CAMK1D: variants seen among roughly 807,000 people sequenced by gnomAD.
CAMK1D encodes the protein calcium/calmodulin dependent protein kinase ID.
In CAMK1D, 9 loss-of-function variants were observed where a neutral mutation model predicts 47.7. The ratio of observed to expected loss-of-function variants is 0.19; its 90% CI spans 0.11 to 0.33. The LOEUF is 0.33. Among genes scored for constraint, CAMK1D ranks in the 10% least tolerant of loss-of-function variants. The pLI, the probability that CAMK1D is intolerant of heterozygous loss-of-function variation, is 1.00. For missense variants in CAMK1D, 291 were observed against 488.7 expected (o/e 0.60, Z 3.81); for synonymous variants, 184 against 184.9 (o/e 0.99, Z 0.04).
intron 1 of CAMK1D, among the ~76,000 whole-genome samples, chr10:12,451,886 C>G (rs548926992): frequency 6.6e-6 from 1 of 152,028 alleles, no homozygotes; most frequent in Non-Finnish European, 1.5e-5. Flanking sequence ...GGGGGCTACT[C>G]TGGCCGATGG....
chr10:12,510,327 A>C (rs1185757174), intron 1 of CAMK1D, among the ~76,000 whole-genome samples: 1 of 152,104 alleles, frequency 6.6e-6, no homozygotes, highest in Admixed American at 6.6e-5. Context: ...GTGGCAGGAG[A>C]ATTGCTTGAA....
At chr10:12,726,155 G>T (rs1834623294) in intron 3 of CAMK1D, among the ~76,000 whole-genome samples, 1 of 152,070 alleles carries the variant, frequency 6.6e-6, no homozygotes, top group African/African-American at 2.4e-5. Flanking sequence ...GCCGGGTGCA[G>T]TGGCTCATGC....
chr10:12,822,553 G>A (rs1833053067), intron 8 of CAMK1D, among the ~76,000 whole-genome samples: 1 of 152,244 alleles, frequency 6.6e-6, no homozygotes, highest in Non-Finnish European at 1.5e-5. Context: ...GAGGCCCAGA[G>A]TCTCCCCGAC....
At chr10:12,767,542 A>G (rs926048793) in intron 4 of CAMK1D, among the ~76,000 whole-genome samples, 1 of 152,170 alleles carries the variant, frequency 6.6e-6, no homozygotes, top group Non-Finnish European at 1.5e-5. Context: ...CACAGCCTCA[A>G]GAGATCCTGA....
chr10:12,543,420 G>T (rs1345200080), intron 1 of CAMK1D, among the ~76,000 whole-genome samples: 1 of 152,140 alleles, frequency 6.6e-6, no homozygotes, highest in Non-Finnish European at 1.5e-5. Context: ...ATGAGAAACT[G>T]GGATAGAAAC....
chr10:12,467,014 C>T (rs956495256), intron 1 of CAMK1D, among the ~76,000 whole-genome samples: 3 of 152,206 alleles, frequency 2.0e-5, no homozygotes, highest in African/African-American at 7.2e-5. Context: ...ATGTTGCCCT[C>T]GAACTCAGGT....
At chr10:12,427,700 G>GTTTTTTGTTTTTTTTTTT (rs1840284197) in intron 1 of CAMK1D, among the ~76,000 whole-genome samples, 8 of 31,040 alleles carry the variant, frequency 2.6e-4, no homozygotes, top group Non-Finnish European at 2.5e-4. Flanking sequence ...TGAACTTACT[G>GTTTTTTGTTTTTTTTTTT]TTTTTTTTTT....
chr10:12,458,825 A>C (rs1203976200), intron 1 of CAMK1D, among the ~76,000 whole-genome samples: 1 of 151,820 alleles, frequency 6.6e-6, no homozygotes. Flanking sequence ...TTTTATCATC[A>C]TATTATCACT....
At chr10:12,816,377 G>T (rs189038634) in intron 8 of CAMK1D, 49 bp downstream of exon 8, 34 of 1,465,070 alleles carry the variant, frequency 2.3e-5, no homozygotes, top group Non-Finnish European at 3.0e-5. Flanking sequence ...ATGCCATCTG[G>T]GGGGGGCACG....
chr10:12,481,116 G>A (rs964183622), intron 1 of CAMK1D, among the ~76,000 whole-genome samples: 1 of 152,124 alleles, frequency 6.6e-6, no homozygotes, highest in Non-Finnish European at 1.5e-5. Context: ...ACTAAGACGT[G>A]GGCATAATTA....
rs149978673 is a variant in CAMK1D at position 12,834,115 on chromosome 10, G to A, written c.*5228G>A. 47 of 152,286 alleles carry A rather than the reference G, an allele frequency of 3.1e-4. No individual in the cohort carries two copies. The highest frequency in any genetic ancestry group is 1.1e-3 in the African/African-American group (44 of 41,556). 9.4% of individuals were successfully genotyped at this position (152,286 alleles called of 1,614,324 possible). A position where few individuals can be genotyped will look rare whatever the true frequency, so the allele number is the denominator to read the frequency against. ...CTAAAAGGAGGGTTTCTTTCCTGAA[G>A]ACTCCAAGAAAATGAGTGTGCAGAT... On this transcript the variant is annotated 3_prime_UTR_variant, in exon 11 of 11. Coordinates refer to ENST00000619168, the MANE Select transcript of CAMK1D (RefSeq NM_153498.4).
At chr10:12,574,763 A>G (rs1324785592) in intron 2 of CAMK1D, among the ~76,000 whole-genome samples, 1 of 152,194 alleles carries the variant, frequency 6.6e-6, no homozygotes, top group African/African-American at 2.4e-5. Flanking sequence ...TACTGCAAAC[A>G]TAGAGGCTTC....
intron 2 of CAMK1D, among the ~76,000 whole-genome samples, chr10:12,641,051 C>T (rs1839651494): frequency 6.6e-6 from 1 of 152,078 alleles, no homozygotes; most frequent in Admixed American, 6.6e-5. Flanking sequence ...CTCAACCTCC[C>T]TTGAACCTCC....
intron 2 of CAMK1D, among the ~76,000 whole-genome samples, chr10:12,646,536 C>T (rs1839814954): frequency 6.6e-6 from 1 of 152,170 alleles, no homozygotes; most frequent in Non-Finnish European, 1.5e-5. Flanking sequence ...ACAGAGCTAA[C>T]AGTGAGACCT....
intron 6 of CAMK1D, among the ~76,000 whole-genome samples, chr10:12,812,981 T>C (rs760892198): frequency 1.3e-5 from 2 of 152,222 alleles, no homozygotes; most frequent in Non-Finnish European, 2.9e-5. Flanking sequence ...AAAAGTAGCA[T>C]TGAAACTGAT....
chr10:12,797,830 G>C (rs535080580), intron 6 of CAMK1D, among the ~76,000 whole-genome samples: 1 of 152,154 alleles, frequency 6.6e-6, no homozygotes, highest in Non-Finnish European at 1.5e-5. Flanking sequence ...GCTTTGTTAA[G>C]CTGAGGCAAG....
rs1254645700 is a variant in CAMK1D at position 12,620,202 on chromosome 10, A to AT, written c.225-46534_225-46533insT. On this transcript the variant is annotated intron_variant, in intron 2 of 10. Coordinates refer to ENST00000619168, the MANE Select transcript of CAMK1D (RefSeq NM_153498.4). ...ACTCCGTCTCAAAAAAAAAAAAAAA[A>AT]AAAAAAAAAAAAAAAATAAAGCTGC... is the stretch of plus-strand genomic sequence containing the variant. Among the ~76,000 whole-genome samples the AT allele has an allele frequency of 1.6e-4, 23 of 146,232 alleles. 1 individual carries two copies. The South Asian group carries it at 4.4e-3, about 28-fold the overall frequency.
chr10:12,434,748 A>G, intron 1 of CAMK1D, among the ~76,000 whole-genome samples: 1 of 152,176 alleles, frequency 6.6e-6, no homozygotes, highest in South Asian at 2.1e-4. Context: ...TCACCGGGTA[A>G]TGCTTCCCAA....
chr10:12,610,624 C>T (rs1022037900), intron 2 of CAMK1D, among the ~76,000 whole-genome samples: 1 of 152,220 alleles, frequency 6.6e-6, no homozygotes, highest in Non-Finnish European at 1.5e-5. Context: ...TCCTCACCAA[C>T]TGAGACAAGT....
Sources: allele counts gnomAD v4.1 joint callset (sites outside exome capture counted in the v4.1 genomes callset), GRCh38; gene constraint gnomAD v4.1.1; transcripts MANE v1.5; gene names NCBI Gene and HGNC (gene_info 2026-07-23, HGNC 2026-07-21).